Variants in DGKB observed in about 807,000 individuals in gnomAD.
DGKB encodes 90 kDa diacylglycerol kinase.
DGKB carries 67 observed loss-of-function variants against 114.3 expected under a neutral mutation model. The ratio of observed to expected loss-of-function variants is 0.59; its 90% CI spans 0.48 to 0.72. DGKB has a LOEUF of 0.72. Ranked by LOEUF, DGKB falls within the 30% of genes least tolerant of loss-of-function variation. The pLI is 0.00. For synonymous variants in DGKB, 398 were observed against 323.1 expected, an observed-to-expected ratio of 1.23 and a Z score of -2.49; for missense variants, 907 against 975.2, an observed-to-expected ratio of 0.93 and a Z score of 0.93.
At chr7:14,190,780 C>G (rs1784181814) in intron 23 of DGKB, 1 of 152,370 alleles carries the variant, frequency 6.6e-6, no homozygotes, top group South Asian at 2.1e-4. Flanking sequence ...TCATGAAAAC[C>G]ATCCCTAAAG....
At chr7:14,968,096 G>A (rs889506946) in intron 1 of DGKB, among the ~76,000 whole-genome samples, 1 of 151,746 alleles carries the variant, frequency 6.6e-6, no homozygotes, top group Admixed American at 6.6e-5. Context: ...GTTGCAAATA[G>A]GTAATAAATA....
At chr7:14,907,466 T>G (rs764676625), upstream of DGKB, among the ~76,000 whole-genome samples, 1 of 152,256 alleles carries the variant, frequency 6.6e-6, no homozygotes, top group East Asian at 1.9e-4. Flanking sequence ...CACAGAGTGG[T>G]TGAGAGAATC....
intron 21 of DGKB, among the ~76,000 whole-genome samples, chr7:14,466,186 A>T (rs1374449699): frequency 6.6e-6 from 1 of 152,196 alleles, no homozygotes; most frequent in East Asian, 1.9e-4. Flanking sequence ...TTTCATTGAA[A>T]AATACGAACA....
At chr7:14,304,576 C>T (rs780256491) in intron 23 of DGKB, among the ~76,000 whole-genome samples, 20 of 152,054 alleles carry the variant, frequency 1.3e-4, no homozygotes, top group African/African-American at 4.3e-4. Flanking sequence ...GTTTTCTTTT[C>T]GATAACTAGC....
chr7:14,158,727 T>C (rs867266155), intron 25 of DGKB, among the ~76,000 whole-genome samples: 2 of 152,190 alleles, frequency 1.3e-5, no homozygotes, highest in Non-Finnish European at 2.9e-5. Context: ...GGGAGAATAA[T>C]TCAGTTGAAA....
chr7:14,683,019 A>T lies in DGKB; in HGVS notation c.830-178T>A, dbSNP rs528423703. ...TTTTACCATGGAATATAAAAGGCCA[A>T]TTAGTACAGGAAATATTATGCATGT... On this transcript the variant is annotated intron_variant, in intron 10 of 25. Coordinates refer to ENST00000402815, the MANE Select transcript of DGKB (RefSeq NM_001350709.2). Among the ~76,000 whole-genome samples, 8 of 152,198 alleles carry T rather than the reference A, an allele frequency of 5.3e-5. No homozygotes were observed. In the South Asian group the frequency reaches 1.7e-3, roughly 31 times the overall value.
At chr7:14,244,584 C>A (rs1002617374) in intron 23 of DGKB, among the ~76,000 whole-genome samples, 1 of 147,232 alleles carries the variant, frequency 6.8e-6, no homozygotes, top group Non-Finnish European at 1.5e-5. Flanking sequence ...GCAGGGGAAT[C>A]GCTTGAATCT....
chr7:14,562,790 CTTGT>C (rs1175967813), intron 20 of DGKB, among the ~76,000 whole-genome samples: 1 of 152,024 alleles, frequency 6.6e-6, no homozygotes, highest in African/African-American at 2.4e-5. Flanking sequence ...AGGGACTTGC[CTTGT>C]TTTAGATTAG....
chr7:14,398,545 T>C (rs1822593184), intron 21 of DGKB, among the ~76,000 whole-genome samples: 1 of 151,982 alleles, frequency 6.6e-6, no homozygotes, highest in Admixed American at 6.6e-5. Flanking sequence ...CTTACTGGGA[T>C]GTGTGAAGGC....
intron 2 of DGKB, among the ~76,000 whole-genome samples, chr7:14,806,923 G>A (rs1028261212): frequency 2.6e-5 from 4 of 151,994 alleles, no homozygotes; most frequent in Admixed American, 1.3e-4. Context: ...GCCAATTTCA[G>A]GACTTTCCCT....
chr7:14,208,245 TTAAAA>T (rs1259881130), intron 23 of DGKB, among the ~76,000 whole-genome samples: 2 of 151,964 alleles, frequency 1.3e-5, no homozygotes, highest in Non-Finnish European at 2.9e-5. Flanking sequence ...CTGCTAACAA[TTAAAA>T]TAAAACATTT....
intron 16 of DGKB, among the ~76,000 whole-genome samples, chr7:14,612,278 C>G (rs1805696164): frequency 6.6e-6 from 1 of 151,780 alleles, no homozygotes. Context: ...AAGTGATTCT[C>G]CTTGCCTCAG....
At chr7:14,439,817 A>G (rs1173644506) in intron 21 of DGKB, among the ~76,000 whole-genome samples, 1 of 147,744 alleles carries the variant, frequency 6.8e-6, no homozygotes, top group Non-Finnish European at 1.5e-5. Flanking sequence ...TGAGCCTGAG[A>G]TCATGCCACT....
intron 5 of DGKB, among the ~76,000 whole-genome samples, chr7:14,729,209 G>A (rs1353762646): frequency 2.2e-5 from 3 of 138,746 alleles, no homozygotes; most frequent in Non-Finnish European, 4.5e-5. Context: ...TGCAAGCTCC[G>A]CCTCCTGGGT....
chr7:14,355,111 T>A (rs899719377), intron 21 of DGKB, among the ~76,000 whole-genome samples: 4 of 152,128 alleles, frequency 2.6e-5, no homozygotes, highest in African/African-American at 9.7e-5. Context: ...TTTCTGCCAT[T>A]CACCAGTTGA....
chr7:14,312,765 G>A (rs563638203), intron 23 of DGKB, among the ~76,000 whole-genome samples: 79 of 152,312 alleles, frequency 5.2e-4, no homozygotes, highest in African/African-American at 1.9e-3. Context: ...CTTAAAAATG[G>A]AAGGAGTTTT....
chr7:14,683,517 GAAA>G (rs1821184744), intron 10 of DGKB, among the ~76,000 whole-genome samples: 1 of 152,038 alleles, frequency 6.6e-6, no homozygotes, highest in Non-Finnish European at 1.5e-5. Context: ...ATACGTGTCA[GAAA>G]ACCAAGACAT....
intron 20 of DGKB, among the ~76,000 whole-genome samples, chr7:14,502,857 T>C (rs1786418181): frequency 6.6e-6 from 1 of 152,092 alleles, no homozygotes; most frequent in African/African-American, 2.4e-5. Flanking sequence ...GAAATAAACA[T>C]AGCTAGGATT....
At chr7:14,871,830 C>CAG (rs1338878915) in intron 1 of DGKB, among the ~76,000 whole-genome samples, 1 of 152,108 alleles carries the variant, frequency 6.6e-6, no homozygotes, top group Non-Finnish European at 1.5e-5. Flanking sequence ...TGGCATCATG[C>CAG]AGACATTAGT....
Sources: allele counts gnomAD v4.1 joint callset (sites outside exome capture counted in the v4.1 genomes callset), GRCh38; gene constraint gnomAD v4.1.1; transcripts MANE v1.5; gene names NCBI Gene and HGNC (gene_info 2026-07-23, HGNC 2026-07-21).